MTUS2: variants seen among roughly 807,000 people sequenced by gnomAD.
MTUS2 encodes microtubule associated scaffold protein 2.
Under a neutral mutation model 114.1 loss-of-function variants are expected in MTUS2, and 40 were observed. That is an observed-to-expected ratio of 0.35 (90% CI 0.27 to 0.46). The LOEUF is 0.46. MTUS2 is among the 20% of genes least tolerant of loss of function. MTUS2 has a pLI of 1.00. For missense variants in MTUS2, 1,679 were observed against 1,705.4 expected (o/e 0.98, Z 0.27); for synonymous variants, 688 against 672.0 (o/e 1.02, Z -0.37).
chr13:29,143,722 T>C (rs1032719560), intron 5 of MTUS2, among the ~76,000 whole-genome samples: 4 of 152,212 alleles, frequency 2.6e-5, no homozygotes, highest in African/African-American at 9.6e-5. Context: ...AAGTAACTGA[T>C]GACACAAAAT....
In MTUS2 at chr13:29,037,930, C is replaced by T. The variant is rs548992202; in HGVS notation, c.2446+3805C>T. Among the ~76,000 whole-genome samples, 8 of 152,280 alleles carry T rather than the reference C, an allele frequency of 5.3e-5. No individual in the cohort carries two copies. The South Asian group carries it at 1.5e-3, about 28-fold the overall frequency. ...ATTCATCTAACCTTTTTTCAAGGTG[C>T]TTAGCTTCCTTGCATTGGGTTAGAA... On this transcript the variant is annotated intron_variant, in intron 4 of 15. Coordinates refer to ENST00000612955, the MANE Select transcript of MTUS2 (RefSeq NM_001033602.4).
At chr13:29,017,635 C>G (rs1423262833) in intron 2 of MTUS2, among the ~76,000 whole-genome samples, 1 of 151,796 alleles carries the variant, frequency 6.6e-6, no homozygotes, top group Non-Finnish European at 1.5e-5. Context: ...ATATGGCCCT[C>G]TTGGGAGGAC....
At chr13:29,092,202 C>T (rs1019630913) in intron 4 of MTUS2, among the ~76,000 whole-genome samples, 2 of 152,200 alleles carry the variant, frequency 1.3e-5, no homozygotes, top group East Asian at 1.9e-4. Flanking sequence ...GGACTGAGAA[C>T]CTCTCTTTCT....
intron 5 of MTUS2, among the ~76,000 whole-genome samples, chr13:29,243,270 A>T (rs1338195738): frequency 6.6e-6 from 1 of 152,212 alleles, no homozygotes; most frequent in African/African-American, 2.4e-5. Context: ...TGTGCACAGG[A>T]AAGCGGGAGC....
At chr13:28,876,967 C>T (rs1276722869) in intron 2 of MTUS2, among the ~76,000 whole-genome samples, 1 of 151,948 alleles carries the variant, frequency 6.6e-6, no homozygotes, top group Non-Finnish European at 1.5e-5. Context: ...TTATACGTTG[C>T]TTATTGTCTA....
At chr13:29,270,895 G>A (rs1897859709) in intron 5 of MTUS2, among the ~76,000 whole-genome samples, 1 of 152,214 alleles carries the variant, frequency 6.6e-6, no homozygotes, top group African/African-American at 2.4e-5. Flanking sequence ...GGCAAGCCCG[G>A]GGATCTTCCT....
intron 8 of MTUS2, among the ~76,000 whole-genome samples, chr13:29,428,250 A>G (rs1184983488): frequency 6.6e-6 from 1 of 152,282 alleles, no homozygotes; most frequent in South Asian, 2.1e-4. Context: ...AGGAGAGGCC[A>G]TATACATCAC....
chr13:29,430,895 A>G lies in MTUS2; in HGVS notation c.3118-9088A>G, dbSNP rs113591144. On this transcript the variant is annotated intron_variant, in intron 8 of 15. Coordinates refer to ENST00000612955, the MANE Select transcript of MTUS2 (RefSeq NM_001033602.4). ...CTGTTAATCAACTCTAACAACCCCAATAATGTTGATACACAGTTTAAAAGA... is the reference window on the plus strand; with the variant it reads ...CTGTTAATCAACTCTAACAACCCCAGTAATGTTGATACACAGTTTAAAAGA... Among the ~76,000 whole-genome samples the G allele has an allele frequency of 8.2e-3, 1,254 of 152,324 alleles. 10 individuals are homozygous for G. Among genetic ancestry groups the G allele is most frequent in the African/African-American group, 0.029 (1,202 of 41,582 alleles).
intron 8 of MTUS2, among the ~76,000 whole-genome samples, chr13:29,365,717 T>G (rs1364219498): frequency 6.6e-6 from 1 of 152,162 alleles, no homozygotes; most frequent in Non-Finnish European, 1.5e-5. Flanking sequence ...ATAGCCTTCC[T>G]GTAGCCAGAG....
chr13:29,465,117 G>A (rs1030040267), intron 9 of MTUS2, among the ~76,000 whole-genome samples: 2 of 152,198 alleles, frequency 1.3e-5, no homozygotes, highest in African/African-American at 4.8e-5. Flanking sequence ...AGAGGACACA[G>A]TAGAGCAGCC....
At chr13:29,069,294 A>G (rs1888801377) in intron 4 of MTUS2, among the ~76,000 whole-genome samples, 1 of 152,188 alleles carries the variant, frequency 6.6e-6, no homozygotes. Context: ...CTGAGAGCCA[A>G]TGGTATAGAT....
chr13:29,174,115 C>A lies in MTUS2; in HGVS notation c.2644+73145C>A, dbSNP rs8000218. On this transcript the variant is annotated intron_variant, in intron 5 of 15. Transcript: ENST00000612955. ...AGTTAACAGTTGTTCCTTCGTGTTTCCTCCTTAAATCAGCCTTTCTTTATT... is the reference window on the plus strand; with the variant it reads ...AGTTAACAGTTGTTCCTTCGTGTTTACTCCTTAAATCAGCCTTTCTTTATT... 6.1e-3 allele frequency among the ~76,000 whole-genome samples: 936 copies of A among 152,206 alleles called. 8 individuals carry two copies. Among genetic ancestry groups the A allele is most frequent in the African/African-American group, 0.021 (893 of 41,536 alleles).
At chr13:29,487,771 C>T in intron 10 of MTUS2, 129 bp from the exon 11 acceptor site, 1 of 753,476 alleles carries the variant, frequency 1.3e-6, no homozygotes, top group Admixed American at 2.0e-5. Context: ...AAGTCCAGCT[C>T]TCCTGCTTCG....
intron 9 of MTUS2, among the ~76,000 whole-genome samples, chr13:29,451,646 A>G (rs950695065): frequency 1.7e-4 from 26 of 151,484 alleles, no homozygotes; most frequent in African/African-American, 6.1e-4. Flanking sequence ...ATGCAGTGGC[A>G]CAATCTCAGC....
intron 8 of MTUS2, among the ~76,000 whole-genome samples, chr13:29,386,012 A>T (rs549934658): frequency 1.3e-5 from 2 of 152,330 alleles, no homozygotes; most frequent in South Asian, 2.1e-4. Flanking sequence ...TGGGAAAGAT[A>T]AAGGAGTTAC....
chr13:29,443,434 A>G (rs57677650), intron 9 of MTUS2, among the ~76,000 whole-genome samples: 22 of 152,290 alleles, frequency 1.4e-4, no homozygotes, highest in Middle Eastern at 3.4e-3. Flanking sequence ...CAAGGATTAC[A>G]TTGAGTTTTG....
At position 29,002,704 on chromosome 13, in the gene MTUS2, A is replaced by G. The variant is rs118093732; in HGVS notation, c.-242-21753A>G. Among the ~76,000 whole-genome samples, 55 of 152,302 alleles carry G rather than the reference A, an allele frequency of 3.6e-4. No homozygotes were observed. The East Asian group carries it at 5.2e-3, about 14-fold the overall frequency. On this transcript the variant is annotated intron_variant, in intron 2 of 15. Coordinates refer to ENST00000612955, the MANE Select transcript of MTUS2 (RefSeq NM_001033602.4). ...ATCGTCATGCTGAGTTCAGTGACCA[A>G]TGTTCAAAATGATCACCTTAAGTCA... is the stretch of plus-strand genomic sequence containing the variant.
Position 29,016,751 on chromosome 13 carries a change from T to C in MTUS2, c.-242-7706T>C, listed in dbSNP as rs1462491709. The stretch of plus-strand genomic sequence containing the variant: ...TTATATATTAGAATAAAATGCGATA[T>C]GCTACCCATGTTATGTACATAAGAT... On this transcript the variant is annotated intron_variant, in intron 2 of 15. Transcript: ENST00000612955. Among the ~76,000 whole-genome samples the C allele has an allele frequency of 3.3e-5, 5 of 152,242 alleles. No individual in the cohort carries two copies. In the East Asian group the frequency reaches 9.6e-4, roughly 29 times the overall value.
In MTUS2 at chr13:28,927,042, G is replaced by A. The variant is rs141049492; in HGVS notation, c.-243+87192G>A. 1.3e-3 allele frequency among the ~76,000 whole-genome samples: 203 copies of A among 152,270 alleles called. 1 individual carries two copies. Among genetic ancestry groups the A allele is most frequent in the Non-Finnish European group, 2.5e-3 (167 of 68,030 alleles). On this transcript the variant is annotated intron_variant, in intron 2 of 15. Transcript: ENST00000612955. ...GAGTCAGGTGCAGAAAGGTAGCACAGCATCAAGATTTTGTTACACTTGTGG... is the reference window on the plus strand; with the variant it reads ...GAGTCAGGTGCAGAAAGGTAGCACAACATCAAGATTTTGTTACACTTGTGG...
Sources: allele counts gnomAD v4.1 joint callset (sites outside exome capture counted in the v4.1 genomes callset), GRCh38; gene constraint gnomAD v4.1.1; transcripts MANE v1.5; gene names NCBI Gene and HGNC (gene_info 2026-07-23, HGNC 2026-07-21).